CCDC192: variants seen among roughly 807,000 people sequenced by gnomAD.
CCDC192 encodes the protein coiled-coil domain-containing protein 192.
chr5:127,864,322 AG>A (rs1751503873), intron 5 of CCDC192, among the ~76,000 whole-genome samples: 1 of 152,220 alleles, frequency 6.6e-6, no homozygotes, highest in Admixed American at 6.5e-5. Flanking sequence ...GTGGGAGATG[AG>A]GCAAGTGGTT....
chr5:127,787,052 G>C, intron 3 of CCDC192: 1 of 301,584 alleles, frequency 3.3e-6, no homozygotes, highest in African/African-American at 2.2e-5. Flanking sequence ...CGTGAGGGAT[G>C]TTCTAAAGCT....
chr5:127,741,433 A>T (rs1427659108), intron 2 of CCDC192, among the ~76,000 whole-genome samples: 1 of 152,220 alleles, frequency 6.6e-6, no homozygotes, highest in African/African-American at 2.4e-5. Context: ...GGATTGCTTA[A>T]TGTGGGCTAC....
At chr5:127,935,960 C>T (rs986131826) in intron 6 of CCDC192, among the ~76,000 whole-genome samples, 4 of 152,022 alleles carry the variant, frequency 2.6e-5, no homozygotes, top group Non-Finnish European at 4.4e-5. Context: ...CAAAATTATC[C>T]GAGTGTGGTG....
At chr5:127,725,764 G>T (rs1752283982) in intron 2 of CCDC192, among the ~76,000 whole-genome samples, 2 of 152,050 alleles carry the variant, frequency 1.3e-5, no homozygotes, top group Admixed American at 6.6e-5. Context: ...GTTTTCTTCT[G>T]TTTGGTCATT....
At chr5:127,920,373 A>G (rs1306050584) in intron 6 of CCDC192, among the ~76,000 whole-genome samples, 2 of 151,080 alleles carry the variant, frequency 1.3e-5, no homozygotes, top group African/African-American at 2.4e-5. Context: ...ATCAATCATC[A>G]TAATTTCTAG....
At chr5:127,912,785 C>T (rs763738630) in intron 6 of CCDC192, among the ~76,000 whole-genome samples, 2 of 152,208 alleles carry the variant, frequency 1.3e-5, no homozygotes, top group African/African-American at 2.4e-5. Flanking sequence ...AGTTCCACAA[C>T]GCTTCCAATG....
chr5:127,791,057 C>T (rs923235093), intron 3 of CCDC192, among the ~76,000 whole-genome samples: 15 of 152,318 alleles, frequency 9.8e-5, no homozygotes, highest in African/African-American at 3.1e-4. Context: ...TGATATTCTA[C>T]ATATGATACC....
At chr5:127,921,569 G>A (rs937582814) in intron 6 of CCDC192, among the ~76,000 whole-genome samples, 2 of 152,200 alleles carry the variant, frequency 1.3e-5, no homozygotes, top group Admixed American at 6.5e-5. Context: ...TAAATGCTCA[G>A]AAGTCCAAAG....
At position 127,707,700 on chromosome 5, in the gene CCDC192, T is replaced by G. The variant is rs1751052171; in HGVS notation, c.63-9T>G. On this transcript the variant is annotated splice_polypyrimidine_tract_variant and intron_variant, in intron 1 of 6. Transcript: ENST00000514853. ...AATTTTGGAATTCTAAATGTTTACT[T>G]TTTTTCAGCATGACGTCTGGAAGTT... 1 of 398,608 alleles carries G rather than the reference T, an allele frequency of 2.5e-6. No homozygotes were observed. Among genetic ancestry groups the G allele is most frequent in the Non-Finnish European group, 4.4e-6 (1 of 225,842 alleles). The allele number at this position is 398,608 out of a possible 1,614,324, so 24.7% of individuals were successfully genotyped here.
At chr5:127,837,920 G>A (rs565926164) in intron 5 of CCDC192, among the ~76,000 whole-genome samples, 5 of 152,090 alleles carry the variant, frequency 3.3e-5, no homozygotes, top group African/African-American at 9.6e-5. Context: ...CCCAGGAGGC[G>A]GAGGTTGCAG....
chr5:127,881,250 G>A (rs1169519795), intron 6 of CCDC192, among the ~76,000 whole-genome samples: 4 of 152,134 alleles, frequency 2.6e-5, no homozygotes, highest in Non-Finnish European at 4.4e-5. Flanking sequence ...GGCTTGCTTT[G>A]TTGTAACAAT....
At chr5:127,727,572 G>T (rs1333178892) in intron 2 of CCDC192, among the ~76,000 whole-genome samples, 1 of 152,060 alleles carries the variant, frequency 6.6e-6, no homozygotes. Flanking sequence ...AAAGTCAGCA[G>T]CCTCAAAGAT....
chr5:127,738,263 C>T (rs1236839818), intron 2 of CCDC192, among the ~76,000 whole-genome samples: 2 of 144,656 alleles, frequency 1.4e-5, no homozygotes, highest in African/African-American at 2.6e-5. Flanking sequence ...TTGGCCCCCA[C>T]TCTCTTCTGG....
chr5:127,933,352 G>A (rs1376798590), intron 6 of CCDC192, among the ~76,000 whole-genome samples: 3 of 152,292 alleles, frequency 2.0e-5, no homozygotes, highest in Non-Finnish European at 4.4e-5. Context: ...GGTGACCAGA[G>A]AAGAAGCTAT....
intron 5 of CCDC192, among the ~76,000 whole-genome samples, chr5:127,839,954 A>G (rs920067933): frequency 2.6e-5 from 4 of 152,210 alleles, no homozygotes; most frequent in Admixed American, 6.5e-5. Flanking sequence ...ATAAAGTTTC[A>G]TGAGAATTAA....
chr5:127,727,468 A>G (rs928202062), intron 2 of CCDC192, among the ~76,000 whole-genome samples: 2 of 151,214 alleles, frequency 1.3e-5, no homozygotes, highest in East Asian at 2.0e-4. Context: ...GAGAAACTCC[A>G]TCTAAAAAAA....
At chr5:127,734,344 G>C (rs1217870731) in intron 2 of CCDC192, among the ~76,000 whole-genome samples, 1 of 151,904 alleles carries the variant, frequency 6.6e-6, no homozygotes, top group Middle Eastern at 3.2e-3. Context: ...CATTTGGGTT[G>C]GTTCCAAGTC....
intron 2 of CCDC192, chr5:127,740,324 AG>A (rs1310538572): frequency 6.6e-6 from 1 of 152,332 alleles, no homozygotes; most frequent in East Asian, 1.9e-4. Flanking sequence ...TCACAGCAAA[AG>A]TGAGCCTTTC....
intron 2 of CCDC192, among the ~76,000 whole-genome samples, chr5:127,737,574 T>G (rs1454508888): frequency 2.6e-5 from 4 of 151,754 alleles, no homozygotes; most frequent in Non-Finnish European, 5.9e-5. Context: ...TAAGTCTCTT[T>G]GTAGGTCACT....
Sources: allele counts gnomAD v4.1 joint callset (sites outside exome capture counted in the v4.1 genomes callset), GRCh38; gene constraint gnomAD v4.1.1; transcripts MANE v1.5; gene names NCBI Gene and HGNC (gene_info 2026-07-23, HGNC 2026-07-21).